FEZ2: variants seen among roughly 807,000 people sequenced by gnomAD.
FEZ2 encodes the protein fasciculation and elongation protein zeta-2.
A neutral mutation model predicts 40.4 loss-of-function variants in FEZ2; 51 were observed. That is an observed-to-expected ratio of 1.26 (90% CI 1.01 to 1.59). FEZ2 has a LOEUF of 1.59. Among genes scored for constraint, FEZ2 ranks in the 40% most tolerant of loss-of-function variants. The pLI is 0.00. For missense variants in FEZ2, 640 were observed against 438.3 expected, an observed-to-expected ratio of 1.46 and a Z score of -4.11; for synonymous variants, 242 against 172.0, an observed-to-expected ratio of 1.41 and a Z score of -3.18.
intron 4 of FEZ2, among the ~76,000 whole-genome samples, chr2:36,579,713 A>G (rs1668678478): frequency 6.6e-6 from 1 of 152,146 alleles, no homozygotes; most frequent in Admixed American, 6.5e-5. Flanking sequence ...TTTCGTATAA[A>G]TTACCCAGTT....
chr2:36,593,292 C>T (rs1461361481), intron 1 of FEZ2, among the ~76,000 whole-genome samples: 1 of 152,052 alleles, frequency 6.6e-6, no homozygotes, highest in African/African-American at 2.4e-5. Context: ...TCATGGACAG[C>T]GGCCCTCTTC....
At chr2:36,554,346 A>G (rs1572996699) in intron 7 of FEZ2, 1 of 470,648 alleles carries the variant, frequency 2.1e-6, no homozygotes, top group East Asian at 6.9e-5. Context: ...CCATGCAGTT[A>G]AATGCTAAAA....
chr2:36,572,318 C>T (rs1285139638), intron 5 of FEZ2, among the ~76,000 whole-genome samples: 1 of 152,020 alleles, frequency 6.6e-6, no homozygotes, highest in Non-Finnish European at 1.5e-5. Context: ...GCTGAAGGGG[C>T]CCCAAGAAAA....
chr2:36,577,108 T>C (rs1370009896), intron 5 of FEZ2, among the ~76,000 whole-genome samples: 1 of 152,206 alleles, frequency 6.6e-6, no homozygotes, highest in Non-Finnish European at 1.5e-5. Flanking sequence ...TTTTCTAGGA[T>C]TGTATATTCA....
At chr2:36,581,538 T>A in intron 3 of FEZ2, 107 bp from the exon 4 acceptor site, 6 of 916,560 alleles carry the variant, frequency 6.5e-6, no homozygotes, top group Non-Finnish European at 8.6e-6. Flanking sequence ...CACTGAATTC[T>A]CCATTAACCA....
intron 5 of FEZ2, among the ~76,000 whole-genome samples, chr2:36,562,510 T>C (rs1011469644): frequency 3.3e-5 from 5 of 152,170 alleles, no homozygotes; most frequent in Non-Finnish European, 7.4e-5. Flanking sequence ...ACCATCCAAC[T>C]TCCCTACCTA....
intron 5 of FEZ2, among the ~76,000 whole-genome samples, chr2:36,577,230 C>A (rs1041689364): frequency 6.6e-6 from 1 of 150,640 alleles, no homozygotes; most frequent in Non-Finnish European, 1.5e-5. Flanking sequence ...TACCTGAGAA[C>A]TTTTTTCAAA....
intron 3 of FEZ2, among the ~76,000 whole-genome samples, chr2:36,582,552 C>A (rs1483721513): frequency 6.6e-6 from 1 of 152,208 alleles, no homozygotes; most frequent in Non-Finnish European, 1.5e-5. Context: ...TACCTCAAAA[C>A]AACCTTCCAA....
At chr2:36,585,622 C>T (rs1280947785) in intron 2 of FEZ2, among the ~76,000 whole-genome samples, 1 of 152,038 alleles carries the variant, frequency 6.6e-6, no homozygotes, top group Non-Finnish European at 1.5e-5. Flanking sequence ...CTAAATAAAC[C>T]ACAAAAAGGC....
intron 5 of FEZ2, 71 bp downstream of exon 5, chr2:36,578,526 C>A: frequency 6.6e-7 from 1 of 1,506,668 alleles, no homozygotes; most frequent in Non-Finnish European, 9.0e-7. Flanking sequence ...CACCTGCCAC[C>A]AGCCCCAAAG....
intron 5 of FEZ2, among the ~76,000 whole-genome samples, chr2:36,570,260 A>G (rs1418752828): frequency 6.6e-6 from 1 of 152,108 alleles, no homozygotes; most frequent in Non-Finnish European, 1.5e-5. Flanking sequence ...GAAAATATAC[A>G]TTATACCAAA....
chr2:36,553,452 TATACC>T (rs1667874300), intron 7 of FEZ2, among the ~76,000 whole-genome samples: 1 of 152,154 alleles, frequency 6.6e-6, no homozygotes, highest in African/African-American at 2.4e-5. Flanking sequence ...ACATTCGCCC[TATACC>T]ATGAGGCTTG....
intron 2 of FEZ2, among the ~76,000 whole-genome samples, chr2:36,583,817 A>C (rs1367148334): frequency 6.6e-6 from 1 of 152,260 alleles, no homozygotes; most frequent in Non-Finnish European, 1.5e-5. Flanking sequence ...AGATTGGTAG[A>C]CGTTAACATT....
chr2:36,587,086 T>C (rs1488218598), intron 2 of FEZ2, among the ~76,000 whole-genome samples: 1 of 152,230 alleles, frequency 6.6e-6, no homozygotes, highest in Non-Finnish European at 1.5e-5. Context: ...CAGAAGATGT[T>C]CTTAAGCTGA....
chr2:36,581,056 G>A (rs1313541912), intron 4 of FEZ2, among the ~76,000 whole-genome samples: 1 of 152,182 alleles, frequency 6.6e-6, no homozygotes, highest in Non-Finnish European at 1.5e-5. Flanking sequence ...GGAGGCTGAG[G>A]CAGAATTGCT....
intron 1 of FEZ2, among the ~76,000 whole-genome samples, chr2:36,597,293 A>C (rs1355482911): frequency 1.3e-5 from 2 of 152,084 alleles, no homozygotes; most frequent in East Asian, 3.8e-4. Flanking sequence ...TCTCGTTTGC[A>C]CATTTCTTTA....
intron 2 of FEZ2, among the ~76,000 whole-genome samples, chr2:36,584,547 T>A (rs550560535): frequency 6.6e-6 from 1 of 152,184 alleles, no homozygotes; most frequent in Admixed American, 6.5e-5. Context: ...TATTCAGGTG[T>A]TGAATGGAAC....
intron 5 of FEZ2, 52 bp from the exon 6 acceptor site, chr2:36,558,565 G>A: frequency 1.8e-6 from 2 of 1,116,818 alleles, no homozygotes; most frequent in Non-Finnish European, 2.5e-6. Flanking sequence ...TACCTTATCT[G>A]CAAAAAATTT....
chr2:36,558,471 G>T lies in FEZ2; in HGVS notation c.946C>A (p.Pro316Thr). Residue 316 changes from proline (P) to threonine (T), a missense_variant, in exon 6 of 8, where the codon CCG becomes ACG. Transcript: ENST00000405912. ...AATATTTGAAGATCTTCAACAGACG[G>T]TGGTCCGTTTTTTTTCTCATAAGGA... Reference protein sequence around the residue: ...VIPYEKKNGPPSVEDLQILTK... With the variant: ...VIPYEKKNGPTSVEDLQILTK... 6.5e-7 allele frequency: 1 copy of T among 1,528,284 alleles called. No homozygotes were observed. The highest frequency in any genetic ancestry group is 8.8e-7 in the Non-Finnish European group (1 of 1,134,120). 94.7% of individuals were successfully genotyped at this position (1,528,284 alleles called of 1,614,324 possible).
Sources: allele counts gnomAD v4.1 joint callset (sites outside exome capture counted in the v4.1 genomes callset), GRCh38; gene constraint gnomAD v4.1.1; transcripts MANE v1.5; gene names NCBI Gene and HGNC (gene_info 2026-07-23, HGNC 2026-07-21).